The following NPR2 variants were observed in gnomAD, a reference collection of about 807,000 sequenced individuals.
NPR2 encodes the protein natriuretic peptide receptor 2, also known as atrial natriuretic peptide receptor 2.
NPR2 carries 49 observed loss-of-function variants against 120.7 expected under a neutral mutation model. The ratio of observed to expected loss-of-function variants is 0.41; its 90% CI spans 0.32 to 0.52. The LOEUF (loss-of-function observed/expected upper bound fraction) is 0.52. Ranked by LOEUF, NPR2 falls within the 20% of genes least tolerant of loss-of-function variation. The probability of loss-of-function intolerance (pLI) is 0.36; values close to 1 mark genes in which losing one functional copy is unlikely to be tolerated. For synonymous variants in NPR2, 484 were observed against 519.8 expected, an observed-to-expected ratio of 0.93 and a Z score of 0.94; for missense variants, 931 against 1,362.9, an observed-to-expected ratio of 0.68 and a Z score of 4.99.
At position 35,802,149 on chromosome 9, in the gene NPR2, C is replaced by G; in HGVS notation, c.1633-57C>G. ...TGCTTCCACTGCTCTCTAGCATTTCCTTGTACCCAGAACTTCTGATATTCA... is the reference window on the plus strand; with the variant it reads ...TGCTTCCACTGCTCTCTAGCATTTCGTTGTACCCAGAACTTCTGATATTCA... On this transcript the variant is annotated intron_variant, in intron 9 of 21. Transcript: ENST00000342694. The surrounding 1 kb of genome is among the most constrained non-coding windows in gnomAD (Gnocchi z 4.2). 7.4e-7 allele frequency: 1 copy of G among 1,351,856 alleles called. No homozygotes were observed. The highest frequency in any genetic ancestry group is 1.1e-6 in the Non-Finnish European group (1 of 941,020). The allele number at this position is 1,351,856 out of a possible 1,614,324, so 83.7% of individuals were successfully genotyped here.
At position 35,805,359 on chromosome 9, in the gene NPR2, TG is replaced by T. The variant is rs1828329798; in HGVS notation, c.1888-149del. ...GACTCTTCTGTTCTTCCTGCTTCCT[TG>T]GGTGGAAACTGCAAAGGATGCCTTC... On this transcript the variant is annotated intron_variant, in intron 12 of 21. Transcript: ENST00000342694. This position sits in a 1 kb window ranked among gnomAD's most constrained non-coding sequence, Gnocchi z 4.9. 1 of 769,878 alleles carries T rather than the reference TG, an allele frequency of 1.3e-6. No homozygotes were observed. Among genetic ancestry groups the T allele is most frequent in the Non-Finnish European group, 2.3e-6 (1 of 443,034 alleles). The allele number at this position is 769,878 out of a possible 1,614,324, so 47.7% of individuals were successfully genotyped here. A position where few individuals can be genotyped will look rare whatever the true frequency, so the allele number is the denominator to read the frequency against.
In NPR2 at chr9:35,807,045, C is replaced by T. The variant is rs769386938; in HGVS notation, c.2542C>T (p.Arg848Trp). The T allele has an allele frequency of 1.5e-5, 24 of 1,613,868 alleles. No homozygotes were observed. Among genetic ancestry groups the T allele is most frequent in the East Asian group, 4.5e-5 (2 of 44,892 alleles). Residue 848 changes from arginine (R) to tryptophan (W), a missense_variant, in exon 17 of 22, where the codon CGG becomes TGG. Arg to Trp is a moderately radical substitution (Grantham distance 101). Transcript: ENST00000342694. ...TAGTTCAGTGGCAGAGCAGTTAAAACGGGGAGAGACTGTACAGGCTGAGGC... is the reference window on the plus strand; with the variant it reads ...TAGTTCAGTGGCAGAGCAGTTAAAATGGGGAGAGACTGTACAGGCTGAGGC... The part of the protein sequence containing the change: ...LPHSVAEQLK[R>W]GETVQAEAFD...
rs1303913631 is a variant in NPR2, at chr9:35,806,187, C to T, written c.2326C>T (p.Arg776Trp). Residue 776 changes from arginine (R) to tryptophan (W), a missense_variant, in exon 15 of 22, where the codon CGG becomes TGG. By Grantham distance (101) the Arg-to-Trp change is moderately radical (BLOSUM62 -3). This residue lies in a region of NPR2 where 66 missense variants were observed against 60.3 expected (regional missense o/e 1.09). Transcript: ENST00000342694. The surrounding 1 kb of genome is among the most constrained non-coding windows in gnomAD (Gnocchi z 4.6). ...ERCWAQDPAE[R>W]PDFGQIKGFI... ...ATGTTGGGCTCAGGACCCAGCTGAG[C>T]GGCCAGACTTTGGACAGATTAAGGG... 15 of 1,614,170 alleles carry T rather than the reference C, an allele frequency of 9.3e-6. No individual in the cohort carries two copies. Among genetic ancestry groups the T allele is most frequent in the Non-Finnish European group, 9.3e-6 (11 of 1,180,036 alleles).
At position 35,800,313 on chromosome 9, in the gene NPR2, G is replaced by C; in HGVS notation, c.1124-76G>C. ...AAGATCGGGGAAGGGTAGACTCTGA[G>C]GGAGCCGTAGGCATGAGTGAGTGGG... On this transcript the variant is annotated intron_variant, in intron 4 of 21. Transcript: ENST00000342694. The surrounding 1 kb of genome is among the most constrained non-coding windows in gnomAD (Gnocchi z 4.7). 6.9e-7 allele frequency: 1 copy of C among 1,457,784 alleles called. No homozygotes were observed. Among genetic ancestry groups the C allele is most frequent in the East Asian group, 2.3e-5 (1 of 44,142 alleles). 90.3% of individuals were successfully genotyped at this position (1,457,784 alleles called of 1,614,324 possible).
chr9:35,799,830 C>T (rs1828077480), intron 3 of NPR2, 99 bp downstream of exon 3: 1 of 1,378,152 alleles, frequency 7.3e-7, no homozygotes. Flanking sequence ...GCAAGCCCAA[C>T]TTTGGGGGGT....
rs1827788226 is a variant in NPR2 at position 35,791,750 on chromosome 9, G to T, written c.-659G>T. Among the ~76,000 whole-genome samples, 1 of 151,812 alleles carries T rather than the reference G, an allele frequency of 6.6e-6. No individual in the cohort carries two copies. The highest frequency in any genetic ancestry group is 6.6e-5 in the Admixed American group (1 of 15,262). On this transcript the variant is annotated 5_prime_UTR_variant, in exon 1 of 22. Coordinates refer to ENST00000342694, the MANE Select transcript of NPR2 (RefSeq NM_003995.4). ...CAGGAGAAGCGGAGCAGAGAGGAGC[G>T]GGGACACGGGCGGGGCCGCCGTAGC...
At chr9:35,801,270 G>A (rs1424571031) in intron 7 of NPR2, 116 bp downstream of exon 7, 6 of 822,338 alleles carry the variant, frequency 7.3e-6, no homozygotes, top group Non-Finnish European at 1.3e-5. Context: ...TAATTTGCTG[G>A]TTGTCTCTTA....
In NPR2 at chr9:35,792,986, G is replaced by C. The variant is rs201417165; in HGVS notation, c.578G>C (p.Gly193Ala). The C allele has an allele frequency of 1.2e-6, 2 of 1,613,684 alleles. No individual in the cohort carries two copies. The highest frequency in any genetic ancestry group is 1.7e-6 in the Non-Finnish European group (2 of 1,180,014). Residue 193 changes from glycine to alanine, a missense_variant, in exon 1 of 22, where the codon GGC becomes GCC. Gly to Ala is a moderately conservative substitution (Grantham distance 60). Around this residue, in one of 3 missense-constraint regions of NPR2, gnomAD observed 681 missense variants for 974.3 expected, o/e 0.70. Coordinates refer to ENST00000342694, the MANE Select transcript of NPR2 (RefSeq NM_003995.4). Reference protein sequence around the residue: ...TIEGVFEALQGSNLSVQHQVY... With the variant: ...TIEGVFEALQASNLSVQHQVY... ...GAGGGCGTCTTTGAGGCCCTGCAGG[G>C]CAGCAACCTCAGTGTGCAGCACCAG...
intron 8 of NPR2, 28 bp downstream of exon 8, chr9:35,801,791 G>C (rs768779424): frequency 6.2e-7 from 1 of 1,614,028 alleles, no homozygotes; most frequent in South Asian, 1.1e-5. Flanking sequence ...CTGTTCCTCT[G>C]CCTCCCTCTG....
Position 35,809,501 on chromosome 9 carries a change from T to C in NPR2, c.*56T>C. The C allele has an allele frequency of 1.2e-6, 2 of 1,613,922 alleles. No homozygotes were observed. The highest frequency in any genetic ancestry group is 1.7e-6 in the Non-Finnish European group (2 of 1,179,916). On this transcript the variant is annotated 3_prime_UTR_variant, in exon 22 of 22. Coordinates refer to ENST00000342694, the MANE Select transcript of NPR2 (RefSeq NM_003995.4). This position sits in a 1 kb window ranked among gnomAD's most constrained non-coding sequence, Gnocchi z 4.1. Reference sequence around the variant, plus strand: ...CTGCTGCTGGTACCTGGGTGGGCAATGGCCACCATGTCTGCACACACCAGA... The same window carrying C: ...CTGCTGCTGGTACCTGGGTGGGCAACGGCCACCATGTCTGCACACACCAGA...
Position 35,809,489 on chromosome 9 carries a change from C to T in NPR2, c.*44C>T, listed in dbSNP as rs1312820127. On this transcript the variant is annotated 3_prime_UTR_variant, in exon 22 of 22. Transcript: ENST00000342694. This position sits in a 1 kb window ranked among gnomAD's most constrained non-coding sequence, Gnocchi z 4.1. ...TCAGATAGTCTTCTGCTGCTGGTAC[C>T]TGGGTGGGCAATGGCCACCATGTCT... 2 of 1,614,124 alleles carry T rather than the reference C, an allele frequency of 1.2e-6. No individual in the cohort carries two copies. Among genetic ancestry groups the T allele is most frequent in the Non-Finnish European group, 1.7e-6 (2 of 1,180,022 alleles).
Position 35,802,402 on chromosome 9 carries a change from A to G in NPR2, c.1711-101A>G. On this transcript the variant is annotated intron_variant, in intron 10 of 21. Transcript: ENST00000342694. This position sits in a 1 kb window ranked among gnomAD's most constrained non-coding sequence, Gnocchi z 4.2. ...TTTATAAATGATTTTAAAATCGTAGATACAACTAAGAGAAAGGTCCTCTTA... is the reference window on the plus strand; with the variant it reads ...TTTATAAATGATTTTAAAATCGTAGGTACAACTAAGAGAAAGGTCCTCTTA... 3.1e-6 allele frequency: 3 copies of G among 961,962 alleles called. No homozygotes were observed. The highest frequency in any genetic ancestry group is 5.1e-6 in the Non-Finnish European group (3 of 588,056). 59.6% of individuals were successfully genotyped at this position (961,962 alleles called of 1,614,324 possible). A position where few individuals can be genotyped will look rare whatever the true frequency, so the allele number is the denominator to read the frequency against.
chr9:35,794,834 T>TGTGTG (rs1827899123), intron 2 of NPR2, among the ~76,000 whole-genome samples: 1 of 149,624 alleles, frequency 6.7e-6, no homozygotes, highest in African/African-American at 2.5e-5. Flanking sequence ...CCTTGACTTT[T>TGTGTG]TGTGTGTGTG....
chr9:35,792,645 G>A lies in NPR2; in HGVS notation c.237G>A (p.Leu79=). The change falls in exon 1 of 22, where the codon CTG becomes CTA. Residue 79 remains leucine (L), a synonymous_variant. Coordinates refer to ENST00000342694, the MANE Select transcript of NPR2 (RefSeq NM_003995.4). ...SELEGACSEY[L]APLSAVDLKL... ...TGGAAGGCGCCTGCTCTGAGTACCT[G>A]GCACCGCTGAGCGCTGTGGACCTCA... 6.2e-7 allele frequency: 1 copy of A among 1,614,038 alleles called. No homozygotes were observed. The highest frequency in any genetic ancestry group is 1.1e-5 in the South Asian group (1 of 91,090).
rs1339903510 is a variant in NPR2, at chr9:35,792,044, C to T, written c.-365C>T. 2.8e-5 allele frequency: 4 copies of T among 140,766 alleles called. No individual in the cohort carries two copies. Among genetic ancestry groups the T allele is most frequent in the Admixed American group, 2.1e-4 (3 of 14,322 alleles). The allele number at this position is 140,766 out of a possible 1,614,324, so 8.7% of individuals were successfully genotyped here. A position where few individuals can be genotyped will look rare whatever the true frequency, so the allele number is the denominator to read the frequency against. On this transcript the variant is annotated 5_prime_UTR_variant, in exon 1 of 22. Transcript: ENST00000342694. The stretch of plus-strand genomic sequence containing the variant: ...TTCTTTGTACCACCCGCCCCCCACC[C>T]CCACCCCATCCCAGTCCCAGATCCC...
At chr9:35,797,057 A>T (rs1474347926) in intron 2 of NPR2, among the ~76,000 whole-genome samples, 1 of 152,234 alleles carries the variant, frequency 6.6e-6, no homozygotes, top group Non-Finnish European at 1.5e-5. Context: ...GTATGTTGAT[A>T]TGATTTTTCT....
In NPR2 at chr9:35,800,974, T is replaced by C; in HGVS notation, c.1352-96T>C. 6.5e-7 allele frequency: 1 copy of C among 1,529,314 alleles called. No homozygotes were observed. Among genetic ancestry groups the C allele is most frequent in the Non-Finnish European group, 9.1e-7 (1 of 1,102,720 alleles). 94.7% of individuals were successfully genotyped at this position (1,529,314 alleles called of 1,614,324 possible). The stretch of plus-strand genomic sequence containing the variant: ...GCATCCCTCCCTCCTCATTTCTTCC[T>C]ACTCCCAAGGAGTCTGTCTATGCAC... On this transcript the variant is annotated intron_variant, in intron 6 of 21. Coordinates refer to ENST00000342694, the MANE Select transcript of NPR2 (RefSeq NM_003995.4). This position sits in a 1 kb window ranked among gnomAD's most constrained non-coding sequence, Gnocchi z 4.7.
rs776821366 is a variant in NPR2 at position 35,801,958 on chromosome 9, C to T, written c.1590C>T (p.Ala530=). ...RGSSYGSLMT[A]HGKYQIFANT... is the part of the protein sequence containing the mutation. Reference sequence around the variant, plus strand: ...CCAGTTACGGCTCGCTCATGACAGCCCATGGGAAATACCAGATCTTTGCCA... The same window carrying T: ...CCAGTTACGGCTCGCTCATGACAGCTCATGGGAAATACCAGATCTTTGCCA... Residue 530 remains alanine, a synonymous_variant, in exon 9 of 22, where the codon GCC becomes GCT. Coordinates refer to ENST00000342694, the MANE Select transcript of NPR2 (RefSeq NM_003995.4). 1.9e-6 allele frequency: 3 copies of T among 1,614,044 alleles called. No homozygotes were observed. The South Asian group carries it at 3.3e-5, about 18-fold the overall frequency.
In NPR2 at chr9:35,794,807, G is replaced by A. The variant is rs868012925; in HGVS notation, c.873+704G>A. On this transcript the variant is annotated intron_variant, in intron 2 of 21. Coordinates refer to ENST00000342694, the MANE Select transcript of NPR2 (RefSeq NM_003995.4). The stretch of plus-strand genomic sequence containing the variant: ...GAGAGCTCTAAGTCTTAAGGCACTA[G>A]GACTTGAATTTGGGGTCCTTGACTT... Among the ~76,000 whole-genome samples, 10 of 151,828 alleles carry A rather than the reference G, an allele frequency of 6.6e-5. No homozygotes were observed. The South Asian group carries it at 1.3e-3, about 19-fold the overall frequency.
Sources: allele counts gnomAD v4.1 joint callset (sites outside exome capture counted in the v4.1 genomes callset), GRCh38; gene constraint gnomAD v4.1.1; regional missense constraint gnomAD v4.1.1; non-coding constraint Gnocchi (gnomAD v3.1); transcripts MANE v1.5; gene names NCBI Gene and HGNC (gene_info 2026-07-23, HGNC 2026-07-21).